RPSA2: variants seen among roughly 807,000 people sequenced by gnomAD.
RPSA2 encodes the protein small ribosomal subunit protein uS2B.
At chr19:23,836,825 T>C in the RPSA2 span, among the ~76,000 whole-genome samples, 1 of 152,084 alleles carries the variant, frequency 6.6e-6, no homozygotes, top group South Asian at 2.1e-4. Flanking sequence ...TTTGAGATTT[T>C]TCTATTTTTT....
chr19:23,767,318 G>A, the RPSA2 span, among the ~76,000 whole-genome samples: 3 of 151,880 alleles, frequency 2.0e-5, no homozygotes, highest in Non-Finnish European at 2.9e-5. Flanking sequence ...ACCTCAGGTG[G>A]TCCATCTGCC....
chr19:23,867,956 C>T, the RPSA2 span, among the ~76,000 whole-genome samples: 3 of 152,176 alleles, frequency 2.0e-5, no homozygotes, highest in South Asian at 4.1e-4. Flanking sequence ...GGATCAATGG[C>T]CCCTAACACA....
At chr19:23,777,284 T>A in the RPSA2 span, among the ~76,000 whole-genome samples, 1 of 152,238 alleles carries the variant, frequency 6.6e-6, no homozygotes, top group Non-Finnish European at 1.5e-5. Flanking sequence ...AAACCCTGCA[T>A]ACATTATGTA....
chr19:23,867,640 C>T, the RPSA2 span, among the ~76,000 whole-genome samples: 6 of 151,998 alleles, frequency 3.9e-5, no homozygotes, highest in South Asian at 2.1e-4. Flanking sequence ...ACCATCCTGG[C>T]TAACACAGTG....
chr19:23,844,312 T>A, the RPSA2 span, among the ~76,000 whole-genome samples: 1 of 152,196 alleles, frequency 6.6e-6, no homozygotes, highest in Non-Finnish European at 1.5e-5. Context: ...TTTTCTTGTA[T>A]GTATGGTTTG....
chr19:23,821,263 A>T, the RPSA2 span, among the ~76,000 whole-genome samples: 1 of 152,198 alleles, frequency 6.6e-6, no homozygotes, highest in Non-Finnish European at 1.5e-5. Context: ...GCTTTGAAGC[A>T]TGGGGGCCAT....
At chr19:23,839,190 A>G in the RPSA2 span, among the ~76,000 whole-genome samples, 1 of 152,154 alleles carries the variant, frequency 6.6e-6, no homozygotes, top group Non-Finnish European at 1.5e-5. Flanking sequence ...TTTTGTTTTT[A>G]ACGCAATGCT....
At chr19:23,788,782 C>T in the RPSA2 span, among the ~76,000 whole-genome samples, 2 of 152,140 alleles carry the variant, frequency 1.3e-5, no homozygotes, top group African/African-American at 2.4e-5. Flanking sequence ...CTCCCTGGGC[C>T]CTGCCCACAG....
At chr19:23,866,693 C>T in the RPSA2 span, among the ~76,000 whole-genome samples, 1 of 152,150 alleles carries the variant, frequency 6.6e-6, no homozygotes, top group Non-Finnish European at 1.5e-5. Context: ...CAGACCACAA[C>T]CCCACTTCAG....
the RPSA2 span, among the ~76,000 whole-genome samples, chr19:23,765,010 G>A: frequency 0.98 from 148,953 of 152,274 alleles, 72,948 homozygotes; most frequent in Middle Eastern, 1. Flanking sequence ...TGTCTAATGA[G>A]TATCATCCCC....
the RPSA2 span, among the ~76,000 whole-genome samples, chr19:23,796,428 T>TG: frequency 6.6e-6 from 1 of 151,850 alleles, no homozygotes; most frequent in Non-Finnish European, 1.5e-5. Flanking sequence ...TGATTTTTTT[T>TG]TTTTTAATCT....
At chr19:23,839,678 C>T in the RPSA2 span, among the ~76,000 whole-genome samples, 1 of 152,216 alleles carries the variant, frequency 6.6e-6, no homozygotes, top group East Asian at 1.9e-4. Flanking sequence ...TCCTTCTCCC[C>T]TTGGAGTTTT....
chr19:23,827,862 C>T, the RPSA2 span: 17 of 1,183,960 alleles, frequency 1.4e-5, no homozygotes, highest in Admixed American at 1.5e-4. Context: ...TGGACTGCTC[C>T]CTCTCCTGAG....
chr19:23,842,198 T>C, the RPSA2 span, among the ~76,000 whole-genome samples: 1 of 152,218 alleles, frequency 6.6e-6, no homozygotes, highest in Non-Finnish European at 1.5e-5. Context: ...TTGAGAGGTA[T>C]CTCCTAAGTT....
chr19:23,834,789 A>G, the RPSA2 span, among the ~76,000 whole-genome samples: 24 of 152,200 alleles, frequency 1.6e-4, no homozygotes, highest in East Asian at 4.2e-3. Context: ...GTAGGTAACA[A>G]TACATTATTT....
At chr19:23,778,995 CTTTTTTTTTTT>C in the RPSA2 span, among the ~76,000 whole-genome samples, 7 of 80,696 alleles carry the variant, frequency 8.7e-5, no homozygotes, top group East Asian at 1.7e-3. Flanking sequence ...TTTTGTGACA[CTTTTTTTTTTT>C]TTTTTTTTTT....
the RPSA2 span, among the ~76,000 whole-genome samples, chr19:23,796,135 G>T: frequency 1.3e-5 from 2 of 152,146 alleles, no homozygotes; most frequent in African/African-American, 4.8e-5. Flanking sequence ...TGTAAAGTAT[G>T]TACTTTTAAT....
the RPSA2 span, among the ~76,000 whole-genome samples, chr19:23,816,382 C>T: frequency 2.7e-4 from 41 of 152,170 alleles, no homozygotes; most frequent in East Asian, 7.0e-3. Flanking sequence ...GTGATCAGCC[C>T]GCCTTAACCT....
chr19:23,858,106 A>T, the RPSA2 span, among the ~76,000 whole-genome samples: 1 of 36,166 alleles, frequency 2.8e-5, no homozygotes, highest in East Asian at 1.1e-3. Context: ...GTATAAGCAA[A>T]TATATATATA....
Sources: allele counts gnomAD v4.1 joint callset (sites outside exome capture counted in the v4.1 genomes callset), GRCh38; gene constraint gnomAD v4.1.1; transcripts MANE v1.5; gene names NCBI Gene and HGNC (gene_info 2026-07-23, HGNC 2026-07-21).